PTPRC: variants seen among roughly 807,000 people sequenced by gnomAD.
PTPRC encodes protein tyrosine phosphatase receptor type C.
Under a neutral mutation model 155.9 loss-of-function variants are expected in PTPRC, and 44 were observed. The observed-to-expected ratio is 0.28, with a 90% CI of 0.22 to 0.36. PTPRC has a LOEUF of 0.36. PTPRC is among the 10% of genes least tolerant of loss of function. The pLI, the probability that PTPRC is intolerant of heterozygous loss-of-function variation, is 1.00. For synonymous variants in PTPRC, 525 were observed against 533.1 expected, an observed-to-expected ratio of 0.98 and a Z score of 0.21; for missense variants, 1,401 against 1,564.6, an observed-to-expected ratio of 0.90 and a Z score of 1.76.
intron 11 of PTPRC, among the ~76,000 whole-genome samples, 188 bp downstream of exon 11, chr1:198,710,012 A>T (rs1199047978): frequency 2.0e-5 from 3 of 152,178 alleles, no homozygotes; most frequent in Non-Finnish European, 4.4e-5. Context: ...GGTGTCGTAT[A>T]TGAAAGTCCA....
rs1653684531 is a variant in PTPRC at position 198,718,107 on chromosome 1, C to G, written c.1464C>G (p.Val488=). 2 of 1,612,774 alleles carry G rather than the reference C, an allele frequency of 1.2e-6. No homozygotes were observed. Among genetic ancestry groups the G allele is most frequent in the East Asian group, 4.5e-5 (2 of 44,878 alleles). The change falls in exon 14 of 33, where the codon GTC becomes GTG. Residue 488 remains valine, a synonymous_variant. Transcript: ENST00000442510. Reference sequence around the variant, plus strand: ...TCATTTTGATAGCTCCAAGCCAGGTCTGGAACATGACTGTCTCCATGACAT... The same window carrying G: ...TCATTTTGATAGCTCCAAGCCAGGTGTGGAACATGACTGTCTCCATGACAT... The part of the protein sequence containing the change: ...FTTKSAPPSQ[V]WNMTVSMTSD...
chr1:198,731,993 G>A (rs924952712), intron 18 of PTPRC, among the ~76,000 whole-genome samples: 2 of 151,908 alleles, frequency 1.3e-5, no homozygotes, highest in African/African-American at 4.8e-5. Context: ...TGATTTTGTA[G>A]TTGTACTCTA....
chr1:198,651,573 T>G (rs1188226795), intron 2 of PTPRC, among the ~76,000 whole-genome samples: 1 of 151,736 alleles, frequency 6.6e-6, no homozygotes, highest in African/African-American at 2.4e-5. Context: ...TACTTACTGG[T>G]GGTTAGCTAA....
chr1:198,647,772 T>C (rs1388886054), intron 2 of PTPRC, among the ~76,000 whole-genome samples: 1 of 151,920 alleles, frequency 6.6e-6, no homozygotes, highest in Non-Finnish European at 1.5e-5. Context: ...AGTTATTTAT[T>C]AACTTATTAG....
At chr1:198,651,091 C>T (rs565134437) in intron 2 of PTPRC, among the ~76,000 whole-genome samples, 34 of 151,630 alleles carry the variant, frequency 2.2e-4, no homozygotes, top group Non-Finnish European at 4.1e-4. Context: ...GCTAGCTTAA[C>T]AATTAGAAAA....
At chr1:198,650,911 G>T (rs1191032663) in intron 2 of PTPRC, among the ~76,000 whole-genome samples, 1 of 151,804 alleles carries the variant, frequency 6.6e-6, no homozygotes, top group Admixed American at 6.6e-5. Flanking sequence ...ATTATAGTGA[G>T]AATTCAGTAA....
At chr1:198,654,622 C>T (rs1014596825) in intron 2 of PTPRC, among the ~76,000 whole-genome samples, 2 of 151,616 alleles carry the variant, frequency 1.3e-5, no homozygotes, top group Admixed American at 1.3e-4. Flanking sequence ...CCCCTCCCTC[C>T]CCTTAAATAT....
chr1:198,750,444 A>C, intron 28 of PTPRC, 48 bp from the exon 29 acceptor site: 1 of 1,570,438 alleles, frequency 6.4e-7, no homozygotes. Context: ...GAATCTACTG[A>C]GCTCTCTTCT....
chr1:198,710,749 A>G (rs1653255985), intron 11 of PTPRC, among the ~76,000 whole-genome samples: 2 of 152,234 alleles, frequency 1.3e-5, no homozygotes, highest in Admixed American at 1.3e-4. Context: ...CAAAAGTACA[A>G]TTGATTTTTC....
At chr1:198,749,675 A>T (rs1655293988) in intron 28 of PTPRC, 126 bp downstream of exon 28, 1 of 871,772 alleles carries the variant, frequency 1.1e-6, no homozygotes, top group Non-Finnish European at 1.8e-6. Context: ...ATATAGATTG[A>T]CATGAGAGTT....
At chr1:198,743,340 T>C (rs1932435) in intron 25 of PTPRC, among the ~76,000 whole-genome samples, 1 of 151,684 alleles carries the variant, frequency 6.6e-6, no homozygotes. Context: ...TGTACAATGC[T>C]TGTGATTACA....
At chr1:198,702,840 TAA>T (rs1666530175) in intron 6 of PTPRC, among the ~76,000 whole-genome samples, 1 of 152,228 alleles carries the variant, frequency 6.6e-6, no homozygotes, top group African/African-American at 2.4e-5. Flanking sequence ...GGCAAATTAC[TAA>T]TACTTTCTGC....
At position 198,754,412 on chromosome 1, in the gene PTPRC, T is replaced by G; in HGVS notation, c.3645+8T>G. 1.2e-6 allele frequency: 2 copies of G among 1,613,358 alleles called. No homozygotes were observed. The highest frequency in any genetic ancestry group is 1.7e-6 in the Non-Finnish European group (2 of 1,179,630). On this transcript the variant is annotated splice_region_variant and intron_variant, in intron 32 of 32. Transcript: ENST00000442510. ...GGCATGGTTTCCACATTCGTAAGTA[T>G]CCTTCACCATTGCTTTTAACATGCT...
intron 12 of PTPRC, 53 bp from the exon 13 acceptor site, chr1:198,716,629 T>TA: frequency 6.7e-7 from 1 of 1,492,840 alleles, no homozygotes; most frequent in Non-Finnish European, 9.3e-7. Context: ...ATTAGGTACG[T>TA]GGTAGTACTG....
At position 198,734,406 on chromosome 1, in the gene PTPRC, G is replaced by A; in HGVS notation, c.2258G>A (p.Arg753Gln). ...GCCACAGTTATTGTCATGGTCACTC[G>A]ATGTGAAGAAGGAAACAGGGTAAGA... ...QKATVIVMVT[R>Q]CEEGNRNKCA... The change falls in exon 22 of 33, where the codon CGA becomes CAA. Residue 753 changes from arginine (R) to glutamine (Q), a missense_variant. Around this residue, in one of 3 missense-constraint regions of PTPRC, gnomAD observed 867 missense variants for 970.4 expected, o/e 0.89. Coordinates refer to ENST00000442510, the MANE Select transcript of PTPRC (RefSeq NM_002838.5). The A allele has an allele frequency of 6.2e-7, 1 of 1,610,874 alleles. No homozygotes were observed. The highest frequency in any genetic ancestry group is 8.5e-7 in the Non-Finnish European group (1 of 1,177,724).
intron 2 of PTPRC, among the ~76,000 whole-genome samples, chr1:198,653,558 A>G (rs1371160107): frequency 6.6e-6 from 1 of 151,882 alleles, no homozygotes; most frequent in Non-Finnish European, 1.5e-5. Flanking sequence ...TATTCTATAA[A>G]CATCTGTATT....
chr1:198,659,332 T>TAGTATTG (rs1663799792), intron 2 of PTPRC, among the ~76,000 whole-genome samples: 1 of 152,152 alleles, frequency 6.6e-6, no homozygotes, highest in Admixed American at 6.5e-5. Context: ...TCACAAATGT[T>TAGTATTG]AGTATTGCTC....
Position 198,709,808 on chromosome 1 carries a change from T to G in PTPRC, c.1155T>G (p.Ile385Met). Residue 385 changes from isoleucine (I) to methionine (M), a missense_variant, in exon 11 of 33, where the codon ATT becomes ATG. This residue lies in a region of PTPRC where 867 missense variants were observed against 970.4 expected (regional missense o/e 0.89). Transcript: ENST00000442510. ...NHKFTNASKIIKTDFGSPGEP... is the reference protein window; with the variant it reads ...NHKFTNASKIMKTDFGSPGEP... ...AGTTTACTAACGCAAGTAAAATTAT[T>G]AAAACAGATTTTGGGAGTGAGTATG... 1 of 1,612,466 alleles carries G rather than the reference T, an allele frequency of 6.2e-7. No homozygotes were observed.
At chr1:198,642,042 G>A (rs1443048950) in intron 2 of PTPRC, among the ~76,000 whole-genome samples, 1 of 151,886 alleles carries the variant, frequency 6.6e-6, no homozygotes, top group Admixed American at 6.6e-5. Context: ...GAAAAAAAAT[G>A]TCCTACTAAA....
Sources: gnomAD v4.1 joint callset for allele counts (sites outside exome capture counted in the v4.1 genomes callset) on GRCh38, gnomAD v4.1.1 for gene constraint, gnomAD v4.1.1 regional missense constraint, MANE v1.5 for transcripts, NCBI Gene and HGNC (gene_info 2026-07-23, HGNC 2026-07-21) for gene names.